The following CDH23 variants were observed in gnomAD, a reference collection of about 807,000 sequenced individuals.
The protein encoded by CDH23 is cadherin-23.
A neutral mutation model predicts 317.1 loss-of-function variants in CDH23; 189 were observed. The ratio of observed to expected loss-of-function variants is 0.60; its 90% CI spans 0.53 to 0.67. The LOEUF (loss-of-function observed/expected upper bound fraction) is 0.67. CDH23 is among the 30% of genes least tolerant of loss of function. The pLI, the probability that CDH23 is intolerant of heterozygous loss-of-function variation, is 0.00. For synonymous variants in CDH23, 1,839 were observed against 1,876.8 expected, an observed-to-expected ratio of 0.98 and a Z score of 0.52; for missense variants, 4,401 against 4,592.4, an observed-to-expected ratio of 0.96 and a Z score of 1.20.
chr10:71,443,086 T>G (rs767064271), intron 2 of CDH23, among the ~76,000 whole-genome samples: 14 of 152,192 alleles, frequency 9.2e-5, no homozygotes, highest in Non-Finnish European at 1.6e-4. Flanking sequence ...AAGGGGCGAC[T>G]GGCGGGGGCA....
Position 71,725,765 on chromosome 10 carries a change from G to A in CDH23, c.3579+245G>A, listed in dbSNP as rs193189852. On this transcript the variant is annotated intron_variant, in intron 30 of 69. Transcript: ENST00000224721. ...AGTGATACTGATGTCTGTCCTAAGG[G>A]ATGAAAGAGGTGTCCTTACTGTACT... 3.9e-5 allele frequency among the ~76,000 whole-genome samples: 6 copies of A among 152,326 alleles called. No homozygotes were observed. The East Asian group carries it at 1.2e-3, about 29-fold the overall frequency.
intron 1 of CDH23, among the ~76,000 whole-genome samples, chr10:71,435,318 C>T (rs1423343670): frequency 1.3e-5 from 2 of 152,162 alleles, no homozygotes; most frequent in African/African-American, 4.8e-5. Flanking sequence ...ACTGGGAGCC[C>T]TGGGATTTTC....
At chr10:71,451,447 C>T (rs1400843628) in intron 3 of CDH23, among the ~76,000 whole-genome samples, 5 of 152,180 alleles carry the variant, frequency 3.3e-5, no homozygotes, top group African/African-American at 9.7e-5. Context: ...GCCCCCACCC[C>T]GCTATCCCCC....
chr10:71,740,358 G>A (rs527421266), intron 36 of CDH23, among the ~76,000 whole-genome samples: 1 of 152,336 alleles, frequency 6.6e-6, no homozygotes, highest in Non-Finnish European at 1.5e-5. Context: ...GCCATAGGGC[G>A]CCAGCTCATT....
rs2133017722 is a variant in CDH23 at position 71,815,158 on chromosome 10, G to A, written c.9945G>A (p.Leu3315=). 7 of 1,611,290 alleles carry A rather than the reference G, an allele frequency of 4.3e-6. No homozygotes were observed. Among genetic ancestry groups the A allele is most frequent in the Non-Finnish European group, 4.2e-6 (5 of 1,178,974 alleles). The change falls in exon 70 of 70, where the codon CTG becomes CTA. Residue 3315 remains leucine (L), a synonymous_variant. Transcript: ENST00000224721. ...QKGLGRSLET[L]TAAEATAFER... ...GCCTGGGCCGCTCGCTGGAGACGCTGACCGCTGCCGAGGCCACTGCCTTCG... is the reference window on the plus strand; with the variant it reads ...GCCTGGGCCGCTCGCTGGAGACGCTAACCGCTGCCGAGGCCACTGCCTTCG...
At chr10:71,721,284 G>T (rs1384045530) in intron 28 of CDH23, among the ~76,000 whole-genome samples, 1 of 152,200 alleles carries the variant, frequency 6.6e-6, no homozygotes, top group Non-Finnish European at 1.5e-5. Context: ...CTCAGGGAAT[G>T]GAGAGAGAAA....
chr10:71,487,703 G>A (rs1852426421), intron 3 of CDH23, among the ~76,000 whole-genome samples: 2 of 152,106 alleles, frequency 1.3e-5, no homozygotes. Flanking sequence ...ATAATTCATG[G>A]TGTGGTTATT....
At chr10:71,651,922 G>A (rs1024019639) in intron 14 of CDH23, among the ~76,000 whole-genome samples, 2 of 152,238 alleles carry the variant, frequency 1.3e-5, no homozygotes, top group Non-Finnish European at 2.9e-5. Context: ...CCTCTGGGCA[G>A]TGGGAGAGGC....
chr10:71,648,936 A>C (rs1007574715), intron 14 of CDH23, among the ~76,000 whole-genome samples: 1 of 152,106 alleles, frequency 6.6e-6, no homozygotes, highest in African/African-American at 2.4e-5. Context: ...TGCCTAAAGG[A>C]GTTCAGGCCC....
chr10:71,639,809 G>A (rs992937421), intron 11 of CDH23, among the ~76,000 whole-genome samples: 1 of 152,160 alleles, frequency 6.6e-6, no homozygotes, highest in Non-Finnish European at 1.5e-5. Flanking sequence ...ATCAGTAGGG[G>A]TTTTGCACCA....
rs750477810 is a variant in CDH23, at chr10:71,615,575, G to A, written c.904G>A (p.Glu302Lys). 2 of 1,614,002 alleles carry A rather than the reference G, an allele frequency of 1.2e-6. No homozygotes were observed. The highest frequency in any genetic ancestry group is 1.1e-5 in the South Asian group (1 of 91,082). ...VLTLNGLLDR[E>K]NPLYSHGFIL... ...GACCTTGAATGGCCTGCTGGACCGGGAGAACCCCCTGTACAGCCATGGCTT... is the reference window on the plus strand; with the variant it reads ...GACCTTGAATGGCCTGCTGGACCGGAAGAACCCCCTGTACAGCCATGGCTT... Residue 302 changes from glutamate (E) to lysine (K), a missense_variant, in exon 10 of 70, where the codon GAG becomes AAG. This residue lies in a region of CDH23 where 3,068 missense variants were observed against 3,203.3 expected (regional missense o/e 0.96). Coordinates refer to ENST00000224721, the MANE Select transcript of CDH23 (RefSeq NM_022124.6).
At chr10:71,794,903 A>G (rs1341726895) in intron 48 of CDH23, among the ~76,000 whole-genome samples, 1 of 152,202 alleles carries the variant, frequency 6.6e-6, no homozygotes, top group East Asian at 1.9e-4. Context: ...GCAGGTATCC[A>G]TTTCTGGGAG....
intron 11 of CDH23, among the ~76,000 whole-genome samples, chr10:71,629,637 C>G (rs1438190712): frequency 1.3e-5 from 2 of 152,218 alleles, no homozygotes; most frequent in Non-Finnish European, 2.9e-5. Flanking sequence ...GAATGTGATG[C>G]CTTCATGCGG....
At chr10:71,794,923 T>C (rs1256541600) in intron 48 of CDH23, among the ~76,000 whole-genome samples, 2 of 151,692 alleles carry the variant, frequency 1.3e-5, no homozygotes, top group Non-Finnish European at 2.9e-5. Flanking sequence ...GACTGAAGAG[T>C]AAAATATCAT....
chr10:71,586,807 GT>G (rs1859099483), intron 9 of CDH23, among the ~76,000 whole-genome samples: 1 of 152,140 alleles, frequency 6.6e-6, no homozygotes, highest in Non-Finnish European at 1.5e-5. Context: ...CAAATATCAT[GT>G]TATACATAGG....
intron 9 of CDH23, among the ~76,000 whole-genome samples, chr10:71,596,474 C>T (rs1013443609): frequency 6.6e-6 from 1 of 152,160 alleles, no homozygotes; most frequent in Non-Finnish European, 1.5e-5. Context: ...CTACTATTTC[C>T]ATCACACAGA....
rs55659529 is a variant in CDH23, at chr10:71,533,525, C to CCACACACACACACACACACACA, written c.429+22337_429+22358dup. 9.9e-5 allele frequency among the ~76,000 whole-genome samples: 13 copies of CCACACACACACACACACACACA among 130,824 alleles called. No homozygotes were observed. The East Asian group carries it at 2.0e-3, about 20-fold the overall frequency. The allele number at this position is 130,824 out of a possible 152,430, so 85.8% of individuals were successfully genotyped here. ...ATTGTGACCCTAGGCTGGCTGGACACCACACACACACACACACACACACAC... is the reference window on the plus strand; with the variant it reads ...ATTGTGACCCTAGGCTGGCTGGACACCACACACACACACACACACACACACACACACACACACACACACACAC... On this transcript the variant is annotated intron_variant, in intron 6 of 69. Coordinates refer to ENST00000224721, the MANE Select transcript of CDH23 (RefSeq NM_022124.6).
At chr10:71,662,609 T>C (rs1474039312) in intron 14 of CDH23, among the ~76,000 whole-genome samples, 2 of 152,196 alleles carry the variant, frequency 1.3e-5, no homozygotes, top group African/African-American at 4.8e-5. Flanking sequence ...TGGCTCATAA[T>C]GTCCCACTTA....
At chr10:71,752,864 C>T in intron 38 of CDH23, 1 of 1,328,220 alleles carries the variant, frequency 7.5e-7, no homozygotes, top group South Asian at 1.4e-5. Context: ...GGCAGAGGCT[C>T]TTCTGACCAG....
Sources: allele counts gnomAD v4.1 joint callset (sites outside exome capture counted in the v4.1 genomes callset), GRCh38; gene constraint gnomAD v4.1.1; regional missense constraint gnomAD v4.1.1; transcripts MANE v1.5; gene names NCBI Gene and HGNC (gene_info 2026-07-23, HGNC 2026-07-21).